Variants in CTNNA3 observed in about 807,000 individuals in gnomAD.
CTNNA3 encodes catenin alpha-3.
Under a neutral mutation model 95.7 loss-of-function variants are expected in CTNNA3, and 76 were observed. The observed-to-expected ratio is 0.79, with a 90% CI of 0.66 to 0.96. The LOEUF is 0.96. CTNNA3 is among the 40% of genes least tolerant of loss of function. The probability of loss-of-function intolerance (pLI) is 0.00; values close to 1 mark genes in which losing one functional copy is unlikely to be tolerated. For missense variants in CTNNA3, 1,191 were observed against 1,089.8 expected, an observed-to-expected ratio of 1.09 and a Z score of -1.31; for synonymous variants, 431 against 374.4, an observed-to-expected ratio of 1.15 and a Z score of -1.74.
intron 11 of CTNNA3, among the ~76,000 whole-genome samples, chr10:66,495,684 C>G (rs1435683882): frequency 6.6e-6 from 1 of 152,062 alleles, no homozygotes. Context: ...CAGAGTTTCA[C>G]TCACTCTTTC....
intron 9 of CTNNA3, among the ~76,000 whole-genome samples, chr10:66,760,329 A>G (rs35543803): frequency 0.041 from 6,273 of 152,226 alleles, 266 homozygotes; most frequent in East Asian, 0.23. Flanking sequence ...AGGCTGTTCA[A>G]CTGCCTCTAT....
intron 10 of CTNNA3, among the ~76,000 whole-genome samples, chr10:66,581,733 A>G (rs899172376): frequency 2.0e-5 from 3 of 151,602 alleles, no homozygotes; most frequent in Non-Finnish European, 4.4e-5. Flanking sequence ...TGGTGTCCAG[A>G]AGAGTTTTTC....
chr10:66,956,322 A>G (rs766735006), intron 7 of CTNNA3, among the ~76,000 whole-genome samples: 6 of 151,750 alleles, frequency 4.0e-5, no homozygotes, highest in Admixed American at 1.3e-4. Flanking sequence ...GAGTTTTGGG[A>G]GCAGAGGGGA....
chr10:67,050,869 G>T (rs2133183712), intron 7 of CTNNA3, among the ~76,000 whole-genome samples: 1 of 152,200 alleles, frequency 6.6e-6, no homozygotes, highest in African/African-American at 2.4e-5. Context: ...AGTTTTGTTT[G>T]GATTACTTAC....
At chr10:67,740,288 A>C (rs1431824376) in intron 1 of CTNNA3, among the ~76,000 whole-genome samples, 1 of 152,166 alleles carries the variant, frequency 6.6e-6, no homozygotes, top group Non-Finnish European at 1.5e-5. Context: ...CAATGGCAAC[A>C]AAAGCCAAAA....
intron 7 of CTNNA3, among the ~76,000 whole-genome samples, chr10:67,036,521 G>A (rs528858804): frequency 4.6e-5 from 7 of 152,076 alleles, no homozygotes; most frequent in African/African-American, 9.6e-5. Flanking sequence ...AAACTTAGCC[G>A]GGCGTGGTGG....
intron 5 of CTNNA3, among the ~76,000 whole-genome samples, chr10:67,276,635 T>C (rs1839189298): frequency 6.6e-6 from 1 of 152,056 alleles, no homozygotes; most frequent in South Asian, 2.1e-4. Context: ...CTATATAAAA[T>C]TATATATGGT....
At position 65,934,258 on chromosome 10, in the gene CTNNA3, G is replaced by T. The variant is rs897996308; in HGVS notation, c.2401-13641C>A. 2.0e-5 allele frequency among the ~76,000 whole-genome samples: 3 copies of T among 152,074 alleles called. No homozygotes were observed. In the East Asian group the frequency reaches 5.8e-4, roughly 29 times the overall value. On this transcript the variant is annotated intron_variant, in intron 17 of 17. Coordinates refer to ENST00000433211, the MANE Select transcript of CTNNA3 (RefSeq NM_013266.4). ...CTAAAATAGTTCAGATGAAGACAAC[G>T]TAATCAGTCTCTTAGATGAGGTTCC...
At chr10:67,635,613 T>A (rs2133446730) in intron 2 of CTNNA3, among the ~76,000 whole-genome samples, 1 of 152,236 alleles carries the variant, frequency 6.6e-6, no homozygotes, top group Admixed American at 6.5e-5. Flanking sequence ...TCAATAAAAT[T>A]CAACATCCCT....
At chr10:65,926,306 T>C (rs2077168075) in intron 17 of CTNNA3, among the ~76,000 whole-genome samples, 1 of 151,950 alleles carries the variant, frequency 6.6e-6, no homozygotes. Flanking sequence ...ATGAATATTC[T>C]AGTATGTGTC....
At chr10:66,243,731 T>C (rs1323989008) in intron 13 of CTNNA3, among the ~76,000 whole-genome samples, 1 of 152,192 alleles carries the variant, frequency 6.6e-6, no homozygotes, top group Non-Finnish European at 1.5e-5. Flanking sequence ...CATGATCGTG[T>C]CCTTAACCTT....
At chr10:66,620,126 T>G (rs1260819213) in intron 10 of CTNNA3, among the ~76,000 whole-genome samples, 1 of 152,070 alleles carries the variant, frequency 6.6e-6, no homozygotes, top group Non-Finnish European at 1.5e-5. Context: ...ATGTGGGAAA[T>G]ATGTGACAAA....
intron 17 of CTNNA3, among the ~76,000 whole-genome samples, chr10:65,954,518 A>G (rs1217704053): frequency 1.3e-5 from 2 of 152,152 alleles, no homozygotes; most frequent in Admixed American, 6.6e-5. Flanking sequence ...TTACGGTTTT[A>G]GGTCTAACAT....
intron 7 of CTNNA3, among the ~76,000 whole-genome samples, chr10:67,166,193 G>A (rs964820978): frequency 1.3e-5 from 2 of 152,138 alleles, no homozygotes; most frequent in Non-Finnish European, 1.5e-5. Flanking sequence ...CTGCTAAAGA[G>A]GGCAGGTGAT....
intron 7 of CTNNA3, among the ~76,000 whole-genome samples, chr10:66,902,687 C>G (rs539731927): frequency 1.3e-5 from 2 of 151,920 alleles, no homozygotes; most frequent in African/African-American, 2.4e-5. Context: ...CAATACAAAA[C>G]GATAAAATGG....
chr10:67,492,927 A>G (rs1214079888), intron 5 of CTNNA3, among the ~76,000 whole-genome samples: 1 of 152,220 alleles, frequency 6.6e-6, no homozygotes, highest in African/African-American at 2.4e-5. Context: ...TAAGAGAGGA[A>G]GGAATCATAG....
intron 7 of CTNNA3, among the ~76,000 whole-genome samples, chr10:67,120,052 T>G (rs905343052): frequency 6.6e-6 from 1 of 151,888 alleles, no homozygotes; most frequent in African/African-American, 2.4e-5. Context: ...GAATCAGACC[T>G]TAAACTATGA....
chr10:66,472,094 T>C (rs1397727311), intron 11 of CTNNA3, among the ~76,000 whole-genome samples: 1 of 151,934 alleles, frequency 6.6e-6, no homozygotes, highest in African/African-American at 2.4e-5. Flanking sequence ...CTCAATCACA[T>C]GAGAAAAGCT....
intron 7 of CTNNA3, among the ~76,000 whole-genome samples, chr10:66,978,552 A>AAAAAAATATATATATATAT: frequency 1.3e-4 from 5 of 37,882 alleles, no homozygotes; most frequent in Non-Finnish European, 1.5e-4. Flanking sequence ...AAAAAAAAAA[A>AAAAAAATATATATATATAT]ATATATATAT....
Sources: gnomAD v4.1 joint callset for allele counts (sites outside exome capture counted in the v4.1 genomes callset) on GRCh38, gnomAD v4.1.1 for gene constraint, MANE v1.5 for transcripts, NCBI Gene and HGNC (gene_info 2026-07-23, HGNC 2026-07-21) for gene names.